The following DLC1 variants were observed in gnomAD, a reference collection of about 807,000 sequenced individuals.
The protein encoded by DLC1 is DLC1 Rho GTPase activating protein.
In DLC1, 54 loss-of-function variants were observed where a neutral mutation model predicts 140.3. The ratio of observed to expected loss-of-function variants is 0.38; its 90% CI spans 0.31 to 0.48. The LOEUF (loss-of-function observed/expected upper bound fraction) is 0.48. Ranked by LOEUF, DLC1 falls within the 20% of genes least tolerant of loss-of-function variation. DLC1 has a pLI of 0.96. For missense variants in DLC1, 2,536 were observed against 1,907.0 expected (o/e 1.33, Z -6.14); for synonymous variants, 986 against 728.1 (o/e 1.35, Z -5.70).
intron 4 of DLC1, chr8:13,341,113 A>G (rs892527094): frequency 3.3e-5 from 5 of 152,210 alleles, no homozygotes; most frequent in Non-Finnish European, 5.9e-5. Flanking sequence ...TTTCAGCAAA[A>G]GTACTGTTTT....
intron 1 of DLC1, among the ~76,000 whole-genome samples, chr8:13,525,317 C>T (rs970440329): frequency 2.6e-5 from 4 of 152,180 alleles, no homozygotes; most frequent in Admixed American, 2.0e-4. Context: ...ATGTGCAAGT[C>T]ATTGTATGTA....
intron 5 of DLC1, among the ~76,000 whole-genome samples, chr8:13,182,560 C>T (rs544068029): frequency 1.3e-5 from 2 of 152,096 alleles, no homozygotes; most frequent in African/African-American, 4.8e-5. Flanking sequence ...TTTCCCAGCA[C>T]CATTTATTAA....
intron 5 of DLC1, among the ~76,000 whole-genome samples, chr8:13,217,059 T>C (rs985091916): frequency 1.2e-4 from 18 of 152,154 alleles, no homozygotes; most frequent in African/African-American, 4.3e-4. Flanking sequence ...TAGTTTCAAA[T>C]TGGAGCCAGC....
chr8:13,237,630 A>T (rs1312363155), intron 5 of DLC1, among the ~76,000 whole-genome samples: 1 of 152,004 alleles, frequency 6.6e-6, no homozygotes, highest in Non-Finnish European at 1.5e-5. Context: ...TCCCCACCTG[A>T]GTCCCCAAAC....
chr8:13,369,022 A>G (rs1481646848), intron 4 of DLC1, among the ~76,000 whole-genome samples: 1 of 152,130 alleles, frequency 6.6e-6, no homozygotes, highest in Non-Finnish European at 1.5e-5. Context: ...GGGTTTCACC[A>G]TGTTGGTCAG....
At chr8:13,516,626 C>T (rs1585234686), upstream of DLC1, among the ~76,000 whole-genome samples, 1 of 152,122 alleles carries the variant, frequency 6.6e-6, no homozygotes, top group Admixed American at 6.5e-5. Flanking sequence ...TCAGAAGCAG[C>T]TTTAAAAGTT....
chr8:13,127,972 G>A (rs2128960603), intron 5 of DLC1, among the ~76,000 whole-genome samples: 1 of 151,964 alleles, frequency 6.6e-6, no homozygotes, highest in South Asian at 2.1e-4. Context: ...ACACCAAAAG[G>A]CACCAAGTAG....
At chr8:13,557,926 T>G (rs1450339113) in intron 1 of DLC1, 1 of 152,156 alleles carries the variant, frequency 6.6e-6, no homozygotes, top group African/African-American at 2.4e-5. Context: ...ATGATCTTTG[T>G]CTAAAGAACA....
intron 2 of DLC1, among the ~76,000 whole-genome samples, chr8:13,459,442 T>TC (rs1799558597): frequency 6.6e-6 from 1 of 152,238 alleles, no homozygotes; most frequent in Non-Finnish European, 1.5e-5. Flanking sequence ...AAAGGTTTTT[T>TC]CCCTCTCCTT....
intron 5 of DLC1, among the ~76,000 whole-genome samples, chr8:13,297,992 G>A (rs903145226): frequency 2.6e-5 from 4 of 152,058 alleles, no homozygotes; most frequent in African/African-American, 9.7e-5. Flanking sequence ...TGTTTACAAG[G>A]AGCTTGGAAT....
intron 2 of DLC1, among the ~76,000 whole-genome samples, chr8:13,449,325 G>A (rs1269450405): frequency 1.3e-5 from 2 of 152,162 alleles, no homozygotes; most frequent in African/African-American, 4.8e-5. Flanking sequence ...GAAACAAGAA[G>A]GAGGCAAGGT....
At chr8:13,241,676 G>C (rs1452936734) in intron 5 of DLC1, among the ~76,000 whole-genome samples, 1 of 152,144 alleles carries the variant, frequency 6.6e-6, no homozygotes, top group Admixed American at 6.5e-5. Context: ...TTTCAACAGG[G>C]ACAAAGGATG....
rs71207163 is a variant in DLC1 at position 13,551,075 on chromosome 8, C to CACACACACACACACTT, written c.-125-50880_-125-50879insAAGTGTGTGTGTGTGT. Among the ~76,000 whole-genome samples the CACACACACACACACTT allele has an allele frequency of 9.8e-3, 1,197 of 121,612 alleles. 36 individuals are homozygous for CACACACACACACACTT. Among genetic ancestry groups the CACACACACACACACTT allele is most frequent in the East Asian group, 0.093 (368 of 3,968 alleles). The allele number at this position is 121,612 out of a possible 152,430, so 79.8% of individuals were successfully genotyped here. ...ACACACACACACACACACACACACA[C>CACACACACACACACTT]TTTTTTTTTTTTTCCAAAGAACACT... On this transcript the variant is annotated intron_variant, in intron 1 of 1. Coordinates refer to the DLC1 transcript ENST00000631382.
At chr8:13,502,282 C>G (rs538608513) in intron 1 of DLC1, among the ~76,000 whole-genome samples, 2 of 152,244 alleles carry the variant, frequency 1.3e-5, no homozygotes, top group Admixed American at 1.3e-4. Context: ...TCCAATAAAG[C>G]ATTAACTCTT....
chr8:13,426,306 CT>C (rs748114216), intron 2 of DLC1, among the ~76,000 whole-genome samples: 23 of 152,090 alleles, frequency 1.5e-4, no homozygotes, highest in Admixed American at 5.9e-4. Context: ...AAATACTTTT[CT>C]TCTCCTTTAT....
chr8:13,543,142 AT>A (rs1157594981), intron 1 of DLC1, among the ~76,000 whole-genome samples: 1 of 152,174 alleles, frequency 6.6e-6, no homozygotes, highest in Non-Finnish European at 1.5e-5. Context: ...TATTGTTGGT[AT>A]TTAGCAAATA....
intron 2 of DLC1, among the ~76,000 whole-genome samples, chr8:13,454,611 A>G (rs991930212): frequency 1.3e-5 from 2 of 152,148 alleles, no homozygotes; most frequent in African/African-American, 2.4e-5. Flanking sequence ...GCTGGACTGC[A>G]GTGGTGTGAT....
At chr8:13,422,880 T>C (rs1286910130) in intron 2 of DLC1, among the ~76,000 whole-genome samples, 1 of 152,024 alleles carries the variant, frequency 6.6e-6, no homozygotes, top group East Asian at 1.9e-4. Flanking sequence ...TTGGGTGATA[T>C]GGCCCAGGGT....
At chr8:13,565,384 T>A (rs1199788344) in intron 1 of DLC1, among the ~76,000 whole-genome samples, 1 of 152,210 alleles carries the variant, frequency 6.6e-6, no homozygotes, top group Admixed American at 6.5e-5. Context: ...AATATGAATG[T>A]GTAAATATTC....
Sources: allele counts gnomAD v4.1 joint callset (sites outside exome capture counted in the v4.1 genomes callset), GRCh38; gene constraint gnomAD v4.1.1; transcripts MANE v1.5; gene names NCBI Gene and HGNC (gene_info 2026-07-23, HGNC 2026-07-21).